Variants in RANBP17 observed in about 807,000 individuals in gnomAD.
The protein encoded by RANBP17 is ran-binding protein 17.
In RANBP17, 158 loss-of-function variants were observed where a neutral mutation model predicts 141.2. The observed-to-expected ratio is 1.12, with a 90% CI of 0.98 to 1.28. The LOEUF (loss-of-function observed/expected upper bound fraction) is 1.28, where lower values mean the gene tolerates loss of function less well. RANBP17 is among the 50% of genes most tolerant of loss of function. The pLI, the probability that RANBP17 is intolerant of heterozygous loss-of-function variation, is 0.00. For synonymous variants in RANBP17, 430 were observed against 450.0 expected (o/e 0.96, Z 0.56); for missense variants, 1,438 against 1,290.7 (o/e 1.11, Z -1.75).
At chr5:170,906,926 G>A (rs1377866823) in intron 5 of RANBP17, among the ~76,000 whole-genome samples, 1 of 151,844 alleles carries the variant, frequency 6.6e-6, no homozygotes, top group African/African-American at 2.4e-5. Context: ...GCTTTATATG[G>A]TGAAAAATAT....
intron 14 of RANBP17, among the ~76,000 whole-genome samples, chr5:171,128,013 C>T (rs1371276940): frequency 6.6e-6 from 1 of 152,054 alleles, no homozygotes; most frequent in Non-Finnish European, 1.5e-5. Flanking sequence ...AAAAAATTAG[C>T]CAGTTGTGGT....
At chr5:170,911,516 G>T in intron 7 of RANBP17, 1 of 719,134 alleles carries the variant, frequency 1.4e-6, no homozygotes, top group Non-Finnish European at 2.6e-6. Flanking sequence ...ATCAGTGTTA[G>T]CAAAATCTGG....
intron 1 of RANBP17, among the ~76,000 whole-genome samples, chr5:170,875,301 G>T (rs1006402890): frequency 2.0e-5 from 3 of 152,056 alleles, no homozygotes; most frequent in Non-Finnish European, 4.4e-5. Flanking sequence ...TAATGATTAT[G>T]TGTCTTGGGG....
chr5:171,068,474 A>G (rs1416874058), intron 14 of RANBP17, among the ~76,000 whole-genome samples: 1 of 152,044 alleles, frequency 6.6e-6, no homozygotes. Flanking sequence ...ATGCTTTGTC[A>G]TTTCTAGTTG....
chr5:170,899,852 C>T (rs539409237), intron 5 of RANBP17, among the ~76,000 whole-genome samples: 3 of 152,280 alleles, frequency 2.0e-5, no homozygotes, highest in Admixed American at 1.3e-4. Flanking sequence ...AGGTTTGCAT[C>T]CCAGAGATAA....
chr5:171,171,843 A>G (rs1361103607), intron 16 of RANBP17, among the ~76,000 whole-genome samples: 3 of 151,922 alleles, frequency 2.0e-5, no homozygotes, highest in Non-Finnish European at 4.4e-5. Context: ...CATCTAATCT[A>G]ATCTAAAATA....
chr5:171,116,271 C>T (rs1474795942), intron 14 of RANBP17, among the ~76,000 whole-genome samples: 3 of 151,110 alleles, frequency 2.0e-5, no homozygotes, highest in African/African-American at 7.3e-5. Flanking sequence ...GGTAAAGATA[C>T]TGTGATTTTT....
rs1238075787 is a variant in RANBP17, at chr5:171,183,330, C to T, written c.1938C>T (p.His646=). 1.2e-6 allele frequency: 2 copies of T among 1,613,590 alleles called. No individual in the cohort carries two copies. The highest frequency in any genetic ancestry group is 2.2e-5 in the South Asian group (2 of 91,062). ...KFMLKNHTSE[H]FPFLGISDNH... is the part of the protein sequence containing the mutation. Reference sequence around the variant, plus strand: ...TCTTTTGCTTTCATTAGAGTGAACACTTCCCTTTTCTTGGCATCAGTGACA... The same window carrying T: ...TCTTTTGCTTTCATTAGAGTGAACATTTCCCTTTTCTTGGCATCAGTGACA... Residue 646 remains histidine, a synonymous_variant, in exon 18 of 28, where the codon CAC becomes CAT. Coordinates refer to ENST00000523189, the MANE Select transcript of RANBP17 (RefSeq NM_022897.5).
At chr5:170,891,633 G>A (rs1022332248) in intron 3 of RANBP17, among the ~76,000 whole-genome samples, 1 of 152,158 alleles carries the variant, frequency 6.6e-6, no homozygotes, top group Non-Finnish European at 1.5e-5. Flanking sequence ...AGGTGAAGGG[G>A]AAGCTGGCAT....
intron 12 of RANBP17, among the ~76,000 whole-genome samples, chr5:170,926,532 T>C (rs1269993700): frequency 2.6e-5 from 4 of 152,192 alleles, no homozygotes; most frequent in Non-Finnish European, 4.4e-5. Flanking sequence ...GAGTCTTTTA[T>C]GTATTTTGAC....
intron 14 of RANBP17, chr5:171,028,787 C>G (rs997914604): frequency 1.9e-5 from 11 of 586,684 alleles, no homozygotes; most frequent in Non-Finnish European, 8.5e-6. Context: ...AATGTGCAAA[C>G]CTGCCTTTTT....
At chr5:171,008,417 C>T (rs1474588456) in intron 14 of RANBP17, among the ~76,000 whole-genome samples, 3 of 152,118 alleles carry the variant, frequency 2.0e-5, no homozygotes, top group Non-Finnish European at 4.4e-5. Context: ...CACCAAATGT[C>T]ACGGACGTCC....
At chr5:170,944,416 G>A (rs1774588469) in intron 12 of RANBP17, among the ~76,000 whole-genome samples, 1 of 152,140 alleles carries the variant, frequency 6.6e-6, no homozygotes, top group African/African-American at 2.4e-5. Context: ...ACAGGCGCAT[G>A]CCACCATGCC....
intron 14 of RANBP17, among the ~76,000 whole-genome samples, chr5:171,054,936 A>T (rs529164152): frequency 4.6e-5 from 7 of 152,310 alleles, no homozygotes; most frequent in African/African-American, 1.7e-4. Context: ...GCACATTTAG[A>T]AAGCATCCAT....
chr5:171,098,017 T>G (rs1256678214), intron 14 of RANBP17, among the ~76,000 whole-genome samples: 1 of 152,200 alleles, frequency 6.6e-6, no homozygotes, highest in Non-Finnish European at 1.5e-5. Flanking sequence ...GTGCCACATT[T>G]GCTTTATCCA....
At chr5:171,167,878 T>C (rs1255304820) in intron 14 of RANBP17, among the ~76,000 whole-genome samples, 1 of 152,246 alleles carries the variant, frequency 6.6e-6, no homozygotes, top group African/African-American at 2.4e-5. Flanking sequence ...TCTCTCTAGC[T>C]ACTTTTCTTT....
chr5:171,225,683 T>A (rs1232409307), intron 22 of RANBP17, among the ~76,000 whole-genome samples: 2 of 152,226 alleles, frequency 1.3e-5, no homozygotes, highest in Admixed American at 1.3e-4. Context: ...GGTTCTTCTC[T>A]GATCACCTCT....
chr5:171,214,285 A>G (rs1763084437), intron 21 of RANBP17, among the ~76,000 whole-genome samples: 1 of 152,228 alleles, frequency 6.6e-6, no homozygotes. Context: ...TTTCATTGAG[A>G]GAGCAACTAT....
chr5:171,071,892 GTTT>G, intron 14 of RANBP17, among the ~76,000 whole-genome samples: 1 of 152,070 alleles, frequency 6.6e-6, no homozygotes, highest in Non-Finnish European at 1.5e-5. Context: ...ATTATCAAAA[GTTT>G]AAACTTTTAA....
Sources: allele counts gnomAD v4.1 joint callset (sites outside exome capture counted in the v4.1 genomes callset), GRCh38; gene constraint gnomAD v4.1.1; transcripts MANE v1.5; gene names NCBI Gene and HGNC (gene_info 2026-07-23, HGNC 2026-07-21).